MYO9A: variants seen among roughly 807,000 people sequenced by gnomAD.
The protein encoded by MYO9A is unconventional myosin-IXa.
In MYO9A, 103 loss-of-function variants were observed where a neutral mutation model predicts 293.3. The observed-to-expected ratio is 0.35, with a 90% CI of 0.30 to 0.41. The LOEUF is 0.41. Ranked by LOEUF, MYO9A falls within the 10% of genes least tolerant of loss-of-function variation. MYO9A has a pLI of 1.00. For missense variants in MYO9A, 2,685 were observed against 3,033.0 expected (o/e 0.89, Z 2.69); for synonymous variants, 1,001 against 1,035.7 (o/e 0.97, Z 0.64).
In MYO9A at chr15:72,042,198, A is replaced by G. The variant is rs74896078; in HGVS notation, c.840+3526T>C. Reference sequence around the variant, plus strand: ...AGATAGAATGCAAAAAAAAAAAAAAAAAGACATTCAGGAAAACAATGTTAG... The same window carrying G: ...AGATAGAATGCAAAAAAAAAAAAAAGAAGACATTCAGGAAAACAATGTTAG... On this transcript the variant is annotated intron_variant, in intron 2 of 41. Transcript: ENST00000356056. Among the ~76,000 whole-genome samples, 4 of 151,762 alleles carry G rather than the reference A, an allele frequency of 2.6e-5. No individual in the cohort carries two copies. In the East Asian group the frequency reaches 7.8e-4, roughly 29 times the overall value.
chr15:71,865,991 A>C (rs2056310842), intron 32 of MYO9A, among the ~76,000 whole-genome samples: 1 of 152,180 alleles, frequency 6.6e-6, no homozygotes, highest in Non-Finnish European at 1.5e-5. Flanking sequence ...CGTTTTTATT[A>C]TTTCACCTTC....
At chr15:72,080,256 T>C (rs1483799570) in intron 1 of MYO9A, among the ~76,000 whole-genome samples, 1 of 151,264 alleles carries the variant, frequency 6.6e-6, no homozygotes, top group Admixed American at 6.6e-5. Context: ...TGTGCTATTA[T>C]GATATAAAAT....
chr15:72,080,491 G>A (rs1194338696), intron 1 of MYO9A, among the ~76,000 whole-genome samples: 1 of 151,802 alleles, frequency 6.6e-6, no homozygotes, highest in Non-Finnish European at 1.5e-5. Flanking sequence ...CACAGCTCAA[G>A]GAGACAGTAA....
At chr15:72,027,233 A>G (rs964627180) in intron 4 of MYO9A, among the ~76,000 whole-genome samples, 7 of 152,380 alleles carry the variant, frequency 4.6e-5, no homozygotes, top group South Asian at 4.1e-4. Flanking sequence ...TGCCCAAGGC[A>G]TACCCAATAT....
At chr15:72,108,977 G>T (rs2080676513) in intron 1 of MYO9A, among the ~76,000 whole-genome samples, 1 of 152,004 alleles carries the variant, frequency 6.6e-6, no homozygotes, top group Non-Finnish European at 1.5e-5. Flanking sequence ...TGGCCAGGCT[G>T]GTCTCAAACT....
At position 71,860,969 on chromosome 15, in the gene MYO9A, C is replaced by CAAAAAAAAAA. The variant is rs61030744; in HGVS notation, c.6092-1183_6092-1174dup. Among the ~76,000 whole-genome samples the CAAAAAAAAAA allele has an allele frequency of 1.9e-3, 60 of 32,426 alleles. 3 individuals are homozygous for CAAAAAAAAAA. Among genetic ancestry groups the CAAAAAAAAAA allele is most frequent in the African/African-American group, 6.2e-3 (56 of 9,030 alleles). 21.3% of individuals were successfully genotyped at this position (32,426 alleles called of 152,430 possible). A position where few individuals can be genotyped will look rare whatever the true frequency, so the allele number is the denominator to read the frequency against. On this transcript the variant is annotated intron_variant, in intron 33 of 41. Coordinates refer to ENST00000356056, the MANE Select transcript of MYO9A (RefSeq NM_006901.4). ...GCAACAAAGTTAGACTCCATCTCACCAAAAAAAAAAAAAAAAAAAAAAAAA... is the reference window on the plus strand; with the variant it reads ...GCAACAAAGTTAGACTCCATCTCACCAAAAAAAAAAAAAAAAAAAAAAAAAAAAAAAAAAA...
chr15:71,869,024 T>C (rs892150227), intron 32 of MYO9A, among the ~76,000 whole-genome samples: 3 of 151,966 alleles, frequency 2.0e-5, no homozygotes, highest in Non-Finnish European at 4.4e-5. Context: ...TGCTTGTCTT[T>C]AGAGCAAAAA....
chr15:71,994,218 C>G (rs1020058237), intron 10 of MYO9A, among the ~76,000 whole-genome samples: 1 of 151,856 alleles, frequency 6.6e-6, no homozygotes, highest in Non-Finnish European at 1.5e-5. Flanking sequence ...TGAAAGAATA[C>G]AGAGAGCATG....
rs2058546096 is a variant in MYO9A, at chr15:71,933,661, A to G, written c.2562+9T>C. The G allele has an allele frequency of 6.2e-7, 1 of 1,604,014 alleles. No homozygotes were observed. The highest frequency in any genetic ancestry group is 1.7e-5 in the Admixed American group (1 of 58,404). ...ATACCAATACAAAAAAAGTTTTCATAGTACTCACCTTTGGAAGGGCAGGCT... is the reference window on the plus strand; with the variant it reads ...ATACCAATACAAAAAAAGTTTTCATGGTACTCACCTTTGGAAGGGCAGGCT... On this transcript the variant is annotated intron_variant, in intron 18 of 41. Transcript: ENST00000356056.
At chr15:72,008,298 A>G (rs1221146086) in intron 7 of MYO9A, among the ~76,000 whole-genome samples, 1 of 152,208 alleles carries the variant, frequency 6.6e-6, no homozygotes, top group African/African-American at 2.4e-5. Flanking sequence ...ACACTGTTTC[A>G]GATACACTGA....
Position 71,922,955 on chromosome 15 carries a change from G to A in MYO9A, c.2563-6463C>T, listed in dbSNP as rs2058193122. Among the ~76,000 whole-genome samples, 3 of 152,012 alleles carry A rather than the reference G, an allele frequency of 2.0e-5. 1 individual carries two copies. In the South Asian group the frequency reaches 6.3e-4, roughly 32 times the overall value. The stretch of plus-strand genomic sequence containing the variant: ...GAAAGTGGTGAAAGCGGGCATCCTT[G>A]TCTTATTCTAGATCACAGAAGAAAA... On this transcript the variant is annotated intron_variant, in intron 18 of 41. Coordinates refer to ENST00000356056, the MANE Select transcript of MYO9A (RefSeq NM_006901.4).
chr15:71,979,056 C>T (rs1213774597), intron 11 of MYO9A, among the ~76,000 whole-genome samples: 1 of 152,116 alleles, frequency 6.6e-6, no homozygotes, highest in Admixed American at 6.5e-5. Flanking sequence ...ATTGTTTTAG[C>T]ATTCACTTAC....
chr15:71,967,640 A>G (rs1207418364), intron 13 of MYO9A, among the ~76,000 whole-genome samples: 1 of 152,208 alleles, frequency 6.6e-6, no homozygotes, highest in African/African-American at 2.4e-5. Flanking sequence ...GAACAGAGAC[A>G]TGAAGACCTT....
intron 12 of MYO9A, among the ~76,000 whole-genome samples, chr15:71,968,396 T>G (rs2075930394): frequency 6.6e-6 from 1 of 152,154 alleles, no homozygotes; most frequent in Non-Finnish European, 1.5e-5. Context: ...AATTAACTCA[T>G]TACATATTTA....
At chr15:71,939,326 T>C (rs2058713316) in intron 15 of MYO9A, among the ~76,000 whole-genome samples, 1 of 152,132 alleles carries the variant, frequency 6.6e-6, no homozygotes, top group Non-Finnish European at 1.5e-5. Context: ...CAGTACTCAA[T>C]AGCTATTTTT....
chr15:71,981,639 TTG>T (rs371539766), intron 11 of MYO9A, among the ~76,000 whole-genome samples: 12 of 134,422 alleles, frequency 8.9e-5, no homozygotes, highest in African/African-American at 3.3e-4. Flanking sequence ...TCTCTCTGTC[TTG>T]TCTCTCTCTC....
At chr15:72,091,317 G>A (rs1360341407) in intron 1 of MYO9A, among the ~76,000 whole-genome samples, 2 of 151,632 alleles carry the variant, frequency 1.3e-5, no homozygotes, top group Non-Finnish European at 2.9e-5. Context: ...TTTATTTCTT[G>A]ATATCCATAT....
chr15:72,025,075 G>C (rs1343773779), intron 4 of MYO9A, among the ~76,000 whole-genome samples: 1 of 152,076 alleles, frequency 6.6e-6, no homozygotes, highest in Non-Finnish European at 1.5e-5. Context: ...ACTGCATACT[G>C]TTTACAAGAG....
chr15:71,949,715 C>T (rs542153086), intron 15 of MYO9A, among the ~76,000 whole-genome samples: 2 of 149,872 alleles, frequency 1.3e-5, no homozygotes, highest in Non-Finnish European at 3.0e-5. Flanking sequence ...TCACAGCAGT[C>T]GCCAGGGATA....
Sources: gnomAD v4.1 joint callset for allele counts (sites outside exome capture counted in the v4.1 genomes callset) on GRCh38, gnomAD v4.1.1 for gene constraint, MANE v1.5 for transcripts, NCBI Gene and HGNC (gene_info 2026-07-23, HGNC 2026-07-21) for gene names.